Variants in DPT observed in about 807,000 individuals in gnomAD.
DPT encodes dermatopontin.
A neutral mutation model predicts 31.2 loss-of-function variants in DPT; 21 were observed. The ratio of observed to expected loss-of-function variants is 0.67; its 90% CI spans 0.48 to 0.97. DPT has a LOEUF of 0.97. Ranked by LOEUF, DPT falls within the 50% of genes least tolerant of loss-of-function variation. The pLI is 0.00. For missense variants in DPT, 262 were observed against 258.8 expected (o/e 1.01, Z -0.08); for synonymous variants, 91 against 86.9 (o/e 1.05, Z -0.26).
At chr1:168,700,906 T>G (rs952980680) in intron 3 of DPT, 111 bp downstream of exon 3, 8 of 146,278 alleles carry the variant, frequency 5.5e-5, no homozygotes, top group Admixed American at 2.5e-4. Context: ...TGTGTGTGTG[T>G]GGGTGTGTGT....
At chr1:168,701,506 T>C (rs1232520767) in intron 2 of DPT, among the ~76,000 whole-genome samples, 1 of 152,220 alleles carries the variant, frequency 6.6e-6, no homozygotes, top group Admixed American at 6.5e-5. Flanking sequence ...ATCAATTTAA[T>C]TGGCTTTAAA....
chr1:168,703,496 G>A (rs1182034194), intron 2 of DPT, among the ~76,000 whole-genome samples: 1 of 152,234 alleles, frequency 6.6e-6, no homozygotes, highest in Non-Finnish European at 1.5e-5. Flanking sequence ...TAACTGGACA[G>A]TTTGTCCGAG....
chr1:168,717,338 C>T (rs1650005897), intron 1 of DPT, among the ~76,000 whole-genome samples: 1 of 152,094 alleles, frequency 6.6e-6, no homozygotes, highest in Non-Finnish European at 1.5e-5. Flanking sequence ...TGTTTGTTGG[C>T]CACATAAATG....
intron 1 of DPT, among the ~76,000 whole-genome samples, chr1:168,723,698 C>A (rs1404974328): frequency 6.6e-6 from 1 of 152,186 alleles, no homozygotes; most frequent in South Asian, 2.1e-4. Context: ...TTTTTAATTG[C>A]TTCAGTCTCA....
intron 3 of DPT, among the ~76,000 whole-genome samples, chr1:168,699,599 T>A (rs504224): frequency 0.58 from 86,083 of 147,512 alleles, 24,913 homozygotes; most frequent in Middle Eastern, 0.64. Flanking sequence ...TTTTTTTTTT[T>A]AAAAAAAAAA....
chr1:168,717,017 C>A (rs1650000398), intron 1 of DPT, among the ~76,000 whole-genome samples: 1 of 152,144 alleles, frequency 6.6e-6, no homozygotes, highest in South Asian at 2.1e-4. Context: ...GTAAACATAC[C>A]TGTGCATGTG....
At chr1:168,702,217 G>A (rs1649614193) in intron 2 of DPT, among the ~76,000 whole-genome samples, 2 of 152,216 alleles carry the variant, frequency 1.3e-5, no homozygotes, top group Admixed American at 1.3e-4. Context: ...GGGTTTACCA[G>A]ATCACTGTTT....
intron 2 of DPT, among the ~76,000 whole-genome samples, chr1:168,706,538 C>T (rs1004754321): frequency 6.6e-6 from 1 of 152,178 alleles, no homozygotes; most frequent in East Asian, 1.9e-4. Context: ...GAACAATCCC[C>T]AGGCTTCTTC....
intron 1 of DPT, among the ~76,000 whole-genome samples, chr1:168,719,201 T>C (rs180986046): frequency 6.6e-6 from 1 of 152,356 alleles, no homozygotes; most frequent in Non-Finnish European, 1.5e-5. Flanking sequence ...GTAGTTTACA[T>C]GGATCTTGGG....
intron 1 of DPT, among the ~76,000 whole-genome samples, chr1:168,724,289 C>T (rs1032549873): frequency 1.3e-5 from 2 of 152,238 alleles, no homozygotes; most frequent in Middle Eastern, 3.4e-3. Context: ...CAGTTGGAAC[C>T]CCTACTATAG....
intron 2 of DPT, among the ~76,000 whole-genome samples, chr1:168,713,722 TTTTTTTAA>T (rs1364510695): frequency 1.3e-5 from 2 of 152,182 alleles, no homozygotes; most frequent in African/African-American, 4.8e-5. Flanking sequence ...GCACAATCTT[TTTTTTTAA>T]TTTTTTAATT....
intron 2 of DPT, among the ~76,000 whole-genome samples, chr1:168,707,583 T>C (rs1252833539): frequency 6.6e-6 from 1 of 152,074 alleles, no homozygotes. Context: ...GTCGATATGG[T>C]TTGGCTCTGT....
At chr1:168,728,725 C>T in intron 1 of DPT, 145 bp downstream of exon 1, 3 of 1,002,536 alleles carry the variant, frequency 3.0e-6, no homozygotes, top group Non-Finnish European at 4.4e-6. Context: ...AGCCCTGCTC[C>T]ACCCAGAGCA....
intron 2 of DPT, among the ~76,000 whole-genome samples, chr1:168,706,758 G>A (rs938712363): frequency 2.0e-5 from 3 of 152,232 alleles, no homozygotes; most frequent in Non-Finnish European, 2.9e-5. Context: ...AGGGATATCT[G>A]TAGCTTAAAT....
chr1:168,701,067 A>G lies in DPT; in HGVS notation c.489T>C (p.Asn163=). ...TTGCTCCTCGGATATAGTAATCATA[A>G]TTGTAGGAAATCATGTCCATTTCCT... is the stretch of plus-strand genomic sequence containing the variant. ...YGEEMDMISY[N]YDYYIRGATT... The change falls in exon 3 of 4, where the codon AAT becomes AAC. Residue 163 remains asparagine, a synonymous_variant. Coordinates refer to ENST00000367817, the MANE Select transcript of DPT (RefSeq NM_001937.5). 1.2e-6 allele frequency: 2 copies of G among 1,614,008 alleles called. No individual in the cohort carries two copies. The highest frequency in any genetic ancestry group is 1.7e-6 in the Non-Finnish European group (2 of 1,179,970).
At chr1:168,724,667 G>A (rs1486864192) in intron 1 of DPT, among the ~76,000 whole-genome samples, 1 of 152,106 alleles carries the variant, frequency 6.6e-6, no homozygotes, top group Non-Finnish European at 1.5e-5. Context: ...CGAGGAAGTG[G>A]GCCCTGTGAG....
chr1:168,708,527 CT>C (rs1649771876), intron 2 of DPT, among the ~76,000 whole-genome samples: 1 of 152,346 alleles, frequency 6.6e-6, no homozygotes, highest in Admixed American at 6.5e-5. Context: ...ATAGTAATAG[CT>C]TCCAGCTTGC....
chr1:168,709,627 T>TAA (rs1649806255), intron 2 of DPT, among the ~76,000 whole-genome samples: 1 of 152,214 alleles, frequency 6.6e-6, no homozygotes, highest in Non-Finnish European at 1.5e-5. Context: ...TCTGAATCCC[T>TAA]AAGTGCTCAC....
intron 2 of DPT, 104 bp from the exon 3 acceptor site, chr1:168,701,228 G>T: frequency 3.4e-6 from 3 of 884,998 alleles, no homozygotes; most frequent in Non-Finnish European, 5.5e-6. Context: ...GAGCATCCTG[G>T]CAAATCCAGA....
Sources: allele counts gnomAD v4.1 joint callset (sites outside exome capture counted in the v4.1 genomes callset), GRCh38; gene constraint gnomAD v4.1.1; transcripts MANE v1.5; gene names NCBI Gene and HGNC (gene_info 2026-07-23, HGNC 2026-07-21).